The following MUSK variants were observed in gnomAD, a reference collection of about 807,000 sequenced individuals.
MUSK encodes the protein muscle associated receptor tyrosine kinase, also known as muscle, skeletal receptor tyrosine-protein kinase.
Under a neutral mutation model 88.7 loss-of-function variants are expected in MUSK, and 55 were observed. The ratio of observed to expected loss-of-function variants is 0.62; its 90% CI spans 0.50 to 0.78. The LOEUF (loss-of-function observed/expected upper bound fraction) is 0.78. MUSK is among the 30% of genes least tolerant of loss of function. MUSK has a pLI of 0.00. For synonymous variants in MUSK, 387 were observed against 391.9 expected (o/e 0.99, Z 0.15); for missense variants, 1,015 against 1,074.3 (o/e 0.94, Z 0.77).
In MUSK at chr9:110,698,088, G is replaced by A. The variant is rs543293561; in HGVS notation, c.628+622G>A. Among the ~76,000 whole-genome samples the A allele has an allele frequency of 3.9e-5, 6 of 152,262 alleles. No homozygotes were observed. The East Asian group carries it at 1.2e-3, about 29-fold the overall frequency. On this transcript the variant is annotated intron_variant, in intron 5 of 14. Transcript: ENST00000374448. Reference sequence around the variant, plus strand: ...CCAAATAGGTCTAGGTGTTCTATTTGCTTGTTAGTCGGGTCCTTCTTGACC... The same window carrying A: ...CCAAATAGGTCTAGGTGTTCTATTTACTTGTTAGTCGGGTCCTTCTTGACC...
chr9:110,775,624 G>A (rs1403434526), intron 9 of MUSK, 164 bp from the exon 10 acceptor site: 1 of 653,154 alleles, frequency 1.5e-6, no homozygotes, highest in Non-Finnish European at 2.8e-6. Flanking sequence ...TAGATTTCAT[G>A]AGGTCTCATA....
Position 110,767,985 on chromosome 9 carries a change from G to A in MUSK, c.1086G>A (p.Val362=). ...VHTAWNELKV[V]SPVCRPAAEA... ...CGGCCTGGAATGAACTGAAAGTAGT[G>A]AGCCCAGTCTGCCGGCCAGCTGCTG... Residue 362 remains valine (V), a synonymous_variant, in exon 9 of 15, where the codon GTG becomes GTA. Transcript: ENST00000374448. 1 of 1,613,980 alleles carries A rather than the reference G, an allele frequency of 6.2e-7. No individual in the cohort carries two copies. Among genetic ancestry groups the A allele is most frequent in the South Asian group, 1.1e-5 (1 of 91,080 alleles).
At chr9:110,678,414 G>C (rs2076057645) in intron 1 of MUSK, among the ~76,000 whole-genome samples, 1 of 152,156 alleles carries the variant, frequency 6.6e-6, no homozygotes, top group Non-Finnish European at 1.5e-5. Context: ...AAAGTGTTGA[G>C]ATTACAGGTA....
intron 5 of MUSK, among the ~76,000 whole-genome samples, chr9:110,706,579 G>A (rs2131753918): frequency 6.6e-6 from 1 of 152,262 alleles, no homozygotes. Flanking sequence ...ATATGGCAGT[G>A]GAACATGCTG....
At chr9:110,741,782 G>A (rs1176916945) in intron 6 of MUSK, among the ~76,000 whole-genome samples, 1 of 152,116 alleles carries the variant, frequency 6.6e-6, no homozygotes, top group Non-Finnish European at 1.5e-5. Context: ...TTTCCAGCTT[G>A]TAACTTGAGG....
At position 110,695,469 on chromosome 9, in the gene MUSK, G is replaced by T; in HGVS notation, c.425G>T (p.Cys142Phe). 6.4e-7 allele frequency: 1 copy of T among 1,556,682 alleles called. No homozygotes were observed. The highest frequency in any genetic ancestry group is 8.7e-7 in the Non-Finnish European group (1 of 1,144,402). ...GAGGGATTAAAAGCAGTCCTACCAT[G>T]TACTACAATGGGTAATCCCAAACCA... ...IIEGLKAVLP[C>F]TTMGNPKPSV... Residue 142 changes from cysteine to phenylalanine, a missense_variant, in exon 4 of 15, where the codon TGT becomes TTT. Coordinates refer to ENST00000374448, the MANE Select transcript of MUSK (RefSeq NM_005592.4).
At chr9:110,750,609 C>T (rs2298493) in intron 7 of MUSK, among the ~76,000 whole-genome samples, 3,925 of 152,270 alleles carry the variant, frequency 0.026, 74 homozygotes, top group African/African-American at 0.051. Flanking sequence ...AATTCCAACT[C>T]AGCTCCTTCA....
In MUSK at chr9:110,741,711, T is replaced by A. The variant is rs72756523; in HGVS notation, c.754-5930T>A. 9.2e-3 allele frequency among the ~76,000 whole-genome samples: 1,398 copies of A among 152,312 alleles called. 10 individuals are homozygous for A. The highest frequency in any genetic ancestry group is 0.017 in the Middle Eastern group (5 of 294). The stretch of plus-strand genomic sequence containing the variant: ...TTTCGTAATTTGTTAATAAAATTGT[T>A]TCATTTTATCTGTCTATCCTACATC... On this transcript the variant is annotated intron_variant, in intron 6 of 14. Coordinates refer to ENST00000374448, the MANE Select transcript of MUSK (RefSeq NM_005592.4).
chr9:110,693,626 C>T (rs1234672002), intron 3 of MUSK, among the ~76,000 whole-genome samples: 1 of 152,220 alleles, frequency 6.6e-6, no homozygotes, highest in Non-Finnish European at 1.5e-5. Flanking sequence ...TGCGTCAATA[C>T]CCTAGTCATT....
At chr9:110,765,429 T>A (rs2077465525) in intron 8 of MUSK, among the ~76,000 whole-genome samples, 1 of 152,174 alleles carries the variant, frequency 6.6e-6, no homozygotes, top group Non-Finnish European at 1.5e-5. Flanking sequence ...GGTTAGGGAT[T>A]AATTCCTTTC....
intron 13 of MUSK, among the ~76,000 whole-genome samples, chr9:110,786,935 T>C (rs980464339): frequency 2.6e-5 from 4 of 152,106 alleles, no homozygotes; most frequent in Admixed American, 6.5e-5. Context: ...GTTACATGAA[T>C]AGTGAAAATC....
At chr9:110,722,937 G>A (rs540624896) in intron 5 of MUSK, among the ~76,000 whole-genome samples, 1 of 152,206 alleles carries the variant, frequency 6.6e-6, no homozygotes, top group Non-Finnish European at 1.5e-5. Context: ...TGTTGGGAAC[G>A]TAAACTAGTA....
intron 5 of MUSK, among the ~76,000 whole-genome samples, chr9:110,708,488 G>A (rs559066883): frequency 4.4e-4 from 67 of 152,212 alleles, no homozygotes; most frequent in African/African-American, 1.5e-3. Context: ...TGAGTACATT[G>A]TGCATTTGAA....
At chr9:110,797,731 A>T (rs889101883) in intron 14 of MUSK, among the ~76,000 whole-genome samples, 3 of 152,160 alleles carry the variant, frequency 2.0e-5, no homozygotes, top group Non-Finnish European at 2.9e-5. Context: ...TCACACAAAA[A>T]TCTGAATCTG....
chr9:110,778,353 A>G (rs191920432), intron 11 of MUSK, among the ~76,000 whole-genome samples: 1 of 152,240 alleles, frequency 6.6e-6, no homozygotes, highest in East Asian at 1.9e-4. Context: ...TATTACAGAA[A>G]CACTCAGCAG....
At chr9:110,730,107 T>A (rs1446152195) in intron 5 of MUSK, among the ~76,000 whole-genome samples, 3 of 152,036 alleles carry the variant, frequency 2.0e-5, no homozygotes, top group Non-Finnish European at 2.9e-5. Flanking sequence ...AATATAGGAT[T>A]CTCCACTTGC....
Position 110,668,861 on chromosome 9 carries a change from C to A in MUSK, c.-44C>A, listed in dbSNP as rs1327608669. 4 of 1,485,522 alleles carry A rather than the reference C, an allele frequency of 2.7e-6. No homozygotes were observed. The highest frequency in any genetic ancestry group is 2.3e-5 in the East Asian group (1 of 44,208). The allele number at this position is 1,485,522 out of a possible 1,614,324, so 92.0% of individuals were successfully genotyped here. On this transcript the variant is annotated 5_prime_UTR_variant, in exon 1 of 15. Coordinates refer to ENST00000374448, the MANE Select transcript of MUSK (RefSeq NM_005592.4). Reference sequence around the variant, plus strand: ...GTAAACTGTGGAGCCATTTTCCTTGCGTTGTCCAGAAGGAACTTCGTCCTG... The same window carrying A: ...GTAAACTGTGGAGCCATTTTCCTTGAGTTGTCCAGAAGGAACTTCGTCCTG...
intron 14 of MUSK, among the ~76,000 whole-genome samples, chr9:110,789,889 C>T (rs2077942897): frequency 6.6e-6 from 1 of 152,096 alleles, no homozygotes; most frequent in African/African-American, 2.4e-5. Flanking sequence ...TAAGGATGAT[C>T]TGGTTAGACA....
intron 8 of MUSK, among the ~76,000 whole-genome samples, chr9:110,765,778 C>T (rs569551116): frequency 8.5e-5 from 13 of 152,090 alleles, no homozygotes; most frequent in South Asian, 2.1e-4. Context: ...TTCTCGATGT[C>T]GGCCAGGCTG....
Sources: gnomAD v4.1 joint callset for allele counts (sites outside exome capture counted in the v4.1 genomes callset) on GRCh38, gnomAD v4.1.1 for gene constraint, MANE v1.5 for transcripts, NCBI Gene and HGNC (gene_info 2026-07-23, HGNC 2026-07-21) for gene names.